Variants in GBE1 observed in about 807,000 individuals in gnomAD.
The protein encoded by GBE1 is 1,4-alpha-glucan branching enzyme 1, also known as 1,4-alpha-glucan-branching enzyme.
GBE1 carries 70 observed loss-of-function variants against 88.8 expected under a neutral mutation model. The ratio of observed to expected loss-of-function variants is 0.79; its 90% CI spans 0.65 to 0.96. The LOEUF is 0.96. GBE1 is among the 40% of genes least tolerant of loss of function. The pLI, the probability that GBE1 is intolerant of heterozygous loss-of-function variation, is 0.00. For missense variants in GBE1, 872 were observed against 871.0 expected, an observed-to-expected ratio of 1.00 and a Z score of -0.01; for synonymous variants, 284 against 300.1, an observed-to-expected ratio of 0.95 and a Z score of 0.56.
intron 3 of GBE1, among the ~76,000 whole-genome samples, chr3:81,667,197 C>T (rs1171016825): frequency 1.3e-5 from 2 of 152,128 alleles, no homozygotes; most frequent in African/African-American, 4.8e-5. Flanking sequence ...ATTTTATTCT[C>T]TTTGTAGCAA....
intron 1 of GBE1, among the ~76,000 whole-genome samples, chr3:81,713,277 AC>A: frequency 1.3e-5 from 2 of 152,206 alleles, no homozygotes; most frequent in Non-Finnish European, 2.9e-5. Flanking sequence ...GATGAGTAGT[AC>A]ATTTTGACAG....
At chr3:81,715,865 T>G (rs1313581372) in intron 1 of GBE1, among the ~76,000 whole-genome samples, 1 of 152,128 alleles carries the variant, frequency 6.6e-6, no homozygotes, top group Non-Finnish European at 1.5e-5. Flanking sequence ...GAAATGAAGA[T>G]CTCATTTAGT....
chr3:81,760,108 A>G (rs2107248416), intron 1 of GBE1, among the ~76,000 whole-genome samples: 1 of 152,362 alleles, frequency 6.6e-6, no homozygotes, highest in South Asian at 2.1e-4. Flanking sequence ...TCTGAAAACA[A>G]TTTCACAAGG....
At chr3:81,566,073 C>T (rs1237245550) in intron 12 of GBE1, among the ~76,000 whole-genome samples, 1 of 152,162 alleles carries the variant, frequency 6.6e-6, no homozygotes, top group African/African-American at 2.4e-5. Context: ...GCCTCCTGGC[C>T]AGGCACTGAT....
chr3:81,644,460 G>C lies in GBE1; in HGVS notation c.783-1470C>G, dbSNP rs184813717. Among the ~76,000 whole-genome samples the C allele has an allele frequency of 2.6e-5, 4 of 152,264 alleles. No homozygotes were observed. In the East Asian group the frequency reaches 5.8e-4, roughly 22 times the overall value. On this transcript the variant is annotated intron_variant, in intron 6 of 15. Coordinates refer to ENST00000429644, the MANE Select transcript of GBE1 (RefSeq NM_000158.4). ...GGGGACTGGGGCAGGGTTGAGCTAA[G>C]AGCATTTGAAGAAAACCAAACAGGC...
rs1348252646 is a variant in GBE1 at position 81,750,602 on chromosome 3, T to C, written c.143+10773A>G. ...GTATATATATACGTATATATATATG[T>C]GTATATATATATATGTATATATATA... On this transcript the variant is annotated intron_variant, in intron 1 of 15. Transcript: ENST00000429644. 1.8e-3 allele frequency among the ~76,000 whole-genome samples: 51 copies of C among 28,980 alleles called. 6 individuals are homozygous for C. The highest frequency in any genetic ancestry group is 4.6e-3 in the African/African-American group (29 of 6,350). The allele number at this position is 28,980 out of a possible 152,430, so 19.0% of individuals were successfully genotyped here.
chr3:81,548,310 T>C (rs1400019132), intron 12 of GBE1, among the ~76,000 whole-genome samples: 1 of 151,540 alleles, frequency 6.6e-6, no homozygotes, highest in African/African-American at 2.4e-5. Context: ...GGTAGACATG[T>C]CAATGAGTTT....
At chr3:81,551,426 C>T (rs970429800) in intron 12 of GBE1, among the ~76,000 whole-genome samples, 2 of 152,096 alleles carry the variant, frequency 1.3e-5, no homozygotes, top group Admixed American at 6.6e-5. Context: ...CCTGGGGCCC[C>T]AGAATCACTA....
chr3:81,683,658 C>T (rs1040912765), intron 2 of GBE1, among the ~76,000 whole-genome samples: 1 of 152,134 alleles, frequency 6.6e-6, no homozygotes, highest in South Asian at 2.1e-4. Context: ...GATGTAAGAA[C>T]TTATCTTTTA....
chr3:81,718,870 G>C (rs1433310113), intron 1 of GBE1, among the ~76,000 whole-genome samples: 1 of 151,928 alleles, frequency 6.6e-6, no homozygotes, highest in Non-Finnish European at 1.5e-5. Flanking sequence ...CCTGACCTCA[G>C]GTGATCCGCC....
At chr3:81,759,287 G>A (rs190512415) in intron 1 of GBE1, among the ~76,000 whole-genome samples, 31 of 152,336 alleles carry the variant, frequency 2.0e-4, no homozygotes, top group Non-Finnish European at 1.6e-4. Flanking sequence ...GGGGAAGGAT[G>A]AGACAGTCCA....
chr3:81,589,376 C>T (rs2106949683), intron 9 of GBE1, among the ~76,000 whole-genome samples: 1 of 151,232 alleles, frequency 6.6e-6, no homozygotes, highest in East Asian at 1.9e-4. Context: ...CAAATACATT[C>T]CTTTTCTTAA....
chr3:81,654,918 T>C (rs1001680825), intron 3 of GBE1: 1 of 152,280 alleles, frequency 6.6e-6, no homozygotes, highest in South Asian at 2.1e-4. Flanking sequence ...TTTTTGTTTC[T>C]ACCAATCAGA....
intron 1 of GBE1, among the ~76,000 whole-genome samples, chr3:81,711,013 C>A (rs955531155): frequency 6.6e-6 from 1 of 152,114 alleles, no homozygotes; most frequent in Admixed American, 6.6e-5. Context: ...TACTACTAGG[C>A]GATAGGTATG....
chr3:81,741,826 A>G (rs1007535351), intron 1 of GBE1, among the ~76,000 whole-genome samples: 2 of 147,828 alleles, frequency 1.4e-5, no homozygotes, highest in African/African-American at 4.9e-5. Context: ...AGTATTATAC[A>G]TATTATATAG....
intron 12 of GBE1, among the ~76,000 whole-genome samples, chr3:81,541,456 C>CCG (rs1703142503): frequency 6.6e-6 from 1 of 151,050 alleles, no homozygotes; most frequent in Non-Finnish European, 1.5e-5. Flanking sequence ...AGTTGCCCCC[C>CCG]CCGCCACCTC....
intron 3 of GBE1, among the ~76,000 whole-genome samples, chr3:81,667,519 G>T (rs1177278311): frequency 6.6e-6 from 1 of 152,090 alleles, no homozygotes; most frequent in South Asian, 2.1e-4. Flanking sequence ...TCCTTGTCTT[G>T]TATCAGTTTT....
chr3:81,543,783 T>A (rs955588705), intron 12 of GBE1, among the ~76,000 whole-genome samples: 1 of 152,080 alleles, frequency 6.6e-6, no homozygotes, highest in African/African-American at 2.4e-5. Context: ...TGATGGCAAA[T>A]AATATAATTG....
chr3:81,750,397 CCTT>C (rs1037985208), intron 1 of GBE1, among the ~76,000 whole-genome samples: 65 of 150,002 alleles, frequency 4.3e-4, no homozygotes, highest in African/African-American at 1.5e-3. Flanking sequence ...ATTTTGTTCT[CCTT>C]TTCTTTTTAA....
Sources: allele counts gnomAD v4.1 joint callset (sites outside exome capture counted in the v4.1 genomes callset), GRCh38; gene constraint gnomAD v4.1.1; transcripts MANE v1.5; gene names NCBI Gene and HGNC (gene_info 2026-07-23, HGNC 2026-07-21).